CCDC116: variants seen among roughly 807,000 people sequenced by gnomAD.
CCDC116 encodes coiled-coil domain-containing protein 116.
CCDC116 carries 24 observed loss-of-function variants against 29.4 expected under a neutral mutation model. The observed-to-expected ratio is 0.82, with a 90% CI of 0.59 to 1.15. CCDC116 has a LOEUF of 1.15. CCDC116 is among the 50% of genes most tolerant of loss of function. The pLI is 0.00. For synonymous variants in CCDC116, 298 were observed against 331.4 expected (o/e 0.90, Z 1.10); for missense variants, 791 against 804.0 (o/e 0.98, Z 0.20).
chr22:21,637,115 GGAC>G lies in CCDC116; in HGVS notation c.*47_*49del, dbSNP rs777294772. 6.5e-7 allele frequency: 1 copy of G among 1,529,962 alleles called. No homozygotes were observed. The highest frequency in any genetic ancestry group is 1.2e-5 in the South Asian group (1 of 80,948). 94.8% of individuals were successfully genotyped at this position (1,529,962 alleles called of 1,614,324 possible). ...AGGAGGCCTCGGTCAGCCACTCCGT[GGAC>G]GTGGGCCACGGTGACCCACCATGAA... On this transcript the variant is annotated 3_prime_UTR_variant, in exon 5 of 5. Coordinates refer to ENST00000292779, the MANE Select transcript of CCDC116 (RefSeq NM_152612.3).
rs1325048436 is a variant in CCDC116 at position 21,633,271 on chromosome 22, G to A, written c.72+18G>A. On this transcript the variant is annotated intron_variant, in intron 2 of 4. Transcript: ENST00000292779. ...GTGCACGGGTAAGTGTGCCCAGCAG[G>A]GCGCCGACCCTTGAGGCCACAACAT... 1.3e-6 allele frequency: 2 copies of A among 1,534,368 alleles called. No individual in the cohort carries two copies. The highest frequency in any genetic ancestry group is 2.4e-5 in the South Asian group (2 of 83,594).
chr22:21,635,265 A>G lies in CCDC116; in HGVS notation c.1202A>G (p.Lys401Arg), dbSNP rs1419649868. ...CAGGTGGCCACCAGATTCAAACTCA[A>G]GGTGACACCCACGGAGAAGCCCAAT... ...SAQVATRFKL[K>R]SPCSSSRFTK... The change falls in exon 4 of 5, where the codon AAG becomes AGG. Residue 401 changes from lysine to arginine, a missense_variant and splice_region_variant. By Grantham distance (26) the Lys-to-Arg change is conservative. Coordinates refer to ENST00000292779, the MANE Select transcript of CCDC116 (RefSeq NM_152612.3). 2.5e-6 allele frequency: 4 copies of G among 1,597,882 alleles called. No individual in the cohort carries two copies. The Admixed American group carries it at 6.7e-5, about 27-fold the overall frequency.
chr22:21,634,380 C>T lies in CCDC116; in HGVS notation c.431C>T (p.Thr144Ile). ...CACCGTGTACGGCCGACCCTCTGCA[C>T]TGGACACCCCAACAACTACCCATCC... ...HRHRVRPTLC[T>I]GHPNNYPSSS... The change falls in exon 3 of 5, where the codon ACT becomes ATT. Residue 144 changes from threonine to isoleucine, a missense_variant. Coordinates refer to ENST00000292779, the MANE Select transcript of CCDC116 (RefSeq NM_152612.3). 1 of 1,613,958 alleles carries T rather than the reference C, an allele frequency of 6.2e-7. No homozygotes were observed. The highest frequency in any genetic ancestry group is 8.5e-7 in the Non-Finnish European group (1 of 1,179,962).
In CCDC116 at chr22:21,635,053, C is replaced by T. The variant is rs768637483; in HGVS notation, c.990C>T (p.Arg330=). ...ATAAGCTCCGTGGCGCCCACTGCCGCGACGGCCGTCCTCTGTTCCCCACCA... is the reference window on the plus strand; with the variant it reads ...ATAAGCTCCGTGGCGCCCACTGCCGTGACGGCCGTCCTCTGTTCCCCACCA... ...AVDKLRGAHC[R]DGRPLFPTSL... The change falls in exon 4 of 5, where the codon CGC becomes CGT. Residue 330 remains arginine, a synonymous_variant. Transcript: ENST00000292779. 37 of 1,609,420 alleles carry T rather than the reference C, an allele frequency of 2.3e-5. No individual in the cohort carries two copies. The East Asian group carries it at 4.7e-4, about 20-fold the overall frequency.
At chr22:21,633,276 C>T (rs762004761) in intron 2 of CCDC116, 23 bp downstream of exon 2, 5 of 1,529,752 alleles carry the variant, frequency 3.3e-6, no homozygotes, top group African/African-American at 1.4e-5. Flanking sequence ...AGCAGGGCGC[C>T]GACCCTTGAG....
rs776771890 is a variant in CCDC116, at chr22:21,636,444, A to G, written c.1216A>G (p.Ser406Gly). ...GGCTGCTATGCAGAGCCCCTGCAGCAGCAGCAGGTTCACGAAGAAGAAGCC... is the reference window on the plus strand; with the variant it reads ...GGCTGCTATGCAGAGCCCCTGCAGCGGCAGCAGGTTCACGAAGAAGAAGCC... ...TRFKLKSPCS[S>G]SRFTKKKPLP... Residue 406 changes from serine (S) to glycine (G), a missense_variant, in exon 5 of 5, where the codon AGC becomes GGC. Ser to Gly is a moderately conservative substitution (Grantham distance 56). Transcript: ENST00000292779. 1.9e-6 allele frequency: 3 copies of G among 1,612,844 alleles called. No individual in the cohort carries two copies.
chr22:21,633,752 T>G (rs1337718595), intron 2 of CCDC116, among the ~76,000 whole-genome samples: 1 of 152,160 alleles, frequency 6.6e-6, no homozygotes, highest in Admixed American at 6.5e-5. Flanking sequence ...AGCCAGGACT[T>G]GTGTGTGTGA....
Position 21,636,862 on chromosome 22 carries a change from C to G in CCDC116, c.1634C>G (p.Ser545Cys), listed in dbSNP as rs142040495. Reference sequence around the variant, plus strand: ...GACCAGGCCACAGAGCCCTGCCGCTCCCTCTACACCAACTTGCCAGCCAGC... The same window carrying G: ...GACCAGGCCACAGAGCCCTGCCGCTGCCTCTACACCAACTTGCCAGCCAGC... ...AQDQATEPCR[S>C]LYTNLPASRQ... Residue 545 changes from serine (S) to cysteine (C), a missense_variant, in exon 5 of 5, where the codon TCC (serine) becomes TGC (cysteine). Physicochemically the swap from Ser to Cys is moderately radical, Grantham distance 112. Coordinates refer to ENST00000292779, the MANE Select transcript of CCDC116 (RefSeq NM_152612.3). The G allele has an allele frequency of 2.6e-4, 413 of 1,613,428 alleles. No homozygotes were observed. The highest frequency in any genetic ancestry group is 3.2e-4 in the Non-Finnish European group (373 of 1,180,004).
rs773343495 is a variant in CCDC116 at position 21,634,123 on chromosome 22, G to T, written c.174G>T (p.Gln58His). The change falls in exon 3 of 5, where the codon CAG (glutamine) becomes CAT (histidine). Residue 58 changes from glutamine to histidine, a missense_variant. Physicochemically the swap from Gln to His is conservative, Grantham distance 24. Coordinates refer to ENST00000292779, the MANE Select transcript of CCDC116 (RefSeq NM_152612.3). ...CCACATGTGGCAGCTCAGCACTCCA[G>T]GGCCAACGCCGAAACAAGAGGCACC... ...PPSTCGSSAL[Q>H]GQRRNKRHPQ... The T allele has an allele frequency of 6.2e-7, 1 of 1,614,250 alleles. No homozygotes were observed. The highest frequency in any genetic ancestry group is 1.1e-5 in the South Asian group (1 of 91,092).
rs113390194 is a variant in CCDC116, at chr22:21,633,709, G to A, written c.73-313G>A. Among the ~76,000 whole-genome samples, 153 of 152,344 alleles carry A rather than the reference G, an allele frequency of 1.0e-3. 3 individuals are homozygous for A. Among genetic ancestry groups the A allele is most frequent in the African/African-American group, 3.6e-3 (148 of 41,580 alleles). On this transcript the variant is annotated intron_variant, in intron 2 of 4. Coordinates refer to ENST00000292779, the MANE Select transcript of CCDC116 (RefSeq NM_152612.3). ...GATTCATGATTGCTCATCCTGCCAC[G>A]TGTCAGGGCAGAAGCAGGCTTGCAG...
At position 21,634,305 on chromosome 22, in the gene CCDC116, G is replaced by T; in HGVS notation, c.356G>T (p.Ser119Ile). 6 of 1,613,226 alleles carry T rather than the reference G, an allele frequency of 3.7e-6. No homozygotes were observed. The African/African-American group carries it at 4.0e-5, about 11-fold the overall frequency. Residue 119 changes from serine to isoleucine, a missense_variant, in exon 3 of 5, where the codon AGT becomes ATT. Transcript: ENST00000292779. The part of the protein sequence containing the change: ...VEVQDPVEVP[S>I]GGRRAHARPS... ...GTGCAGGACCCAGTGGAGGTGCCAA[G>T]TGGTGGACGGCGGGCACATGCCCGG...
chr22:21,633,285 A>G, intron 2 of CCDC116, 32 bp downstream of exon 2: 1 of 1,507,588 alleles, frequency 6.6e-7, no homozygotes, highest in Non-Finnish European at 9.0e-7. Flanking sequence ...CCGACCCTTG[A>G]GGCCACAACA....
At chr22:21,633,334 C>CA (rs1463344376) in intron 2 of CCDC116, 81 bp downstream of exon 2, 6 of 1,129,916 alleles carry the variant, frequency 5.3e-6, no homozygotes. Flanking sequence ...CCACAACCCC[C>CA]ATTTCTCATT....
At chr22:21,632,869 C>T in intron 1 of CCDC116, 42 bp downstream of exon 1, 2 of 508,888 alleles carry the variant, frequency 3.9e-6, no homozygotes, top group Middle Eastern at 5.9e-4. Flanking sequence ...GCCAGGTTGC[C>T]CAGGGTTTGG....
intron 2 of CCDC116, among the ~76,000 whole-genome samples, chr22:21,633,609 T>G (rs1930642484): frequency 6.6e-6 from 1 of 152,110 alleles, no homozygotes; most frequent in Non-Finnish European, 1.5e-5. Context: ...CCTCAGATGT[T>G]GTTTGCAGCC....
At chr22:21,633,365 C>T (rs1930633992) in intron 2 of CCDC116, 112 bp downstream of exon 2, 1 of 817,818 alleles carries the variant, frequency 1.2e-6, no homozygotes, top group Non-Finnish European at 1.9e-6. Context: ...TTCTCTGGGC[C>T]TCTTAGTGAA....
At position 21,633,137 on chromosome 22, in the gene CCDC116, AAG is replaced by A; in HGVS notation, c.-38_-37del. ...CCACGCAGAGAGGAATGCGCAGCTG[AAG>A]AGAGAGGTGGGCAGCAGGCCCGGTC... On this transcript the variant is annotated 5_prime_UTR_variant, in exon 2 of 5. Transcript: ENST00000292779. 6.7e-7 allele frequency: 1 copy of A among 1,484,450 alleles called. No individual in the cohort carries two copies. Among genetic ancestry groups the A allele is most frequent in the South Asian group, 1.2e-5 (1 of 82,730 alleles). The allele number at this position is 1,484,450 out of a possible 1,614,324, so 92.0% of individuals were successfully genotyped here.
chr22:21,636,305 A>G, intron 4 of CCDC116, 127 bp from the exon 5 acceptor site: 1 of 785,820 alleles, frequency 1.3e-6, no homozygotes, highest in Non-Finnish European at 2.0e-6. Context: ...AAGGGTACCC[A>G]TTCATGTTTG....
Position 21,635,086 on chromosome 22 carries a change from G to T in CCDC116, c.1023G>T (p.Glu341Asp). The change falls in exon 4 of 5, where the codon GAG (glutamate) becomes GAT (aspartate). Residue 341 changes from glutamate to aspartate, a missense_variant. Physicochemically the swap from Glu to Asp is conservative, Grantham distance 45 (BLOSUM62 2). Coordinates refer to ENST00000292779, the MANE Select transcript of CCDC116 (RefSeq NM_152612.3). ...DGRPLFPTSLEPTSDLPPLGS... is the reference protein window; with the variant it reads ...DGRPLFPTSLDPTSDLPPLGS... Reference sequence around the variant, plus strand: ...GTCCTCTGTTCCCCACCAGCTTGGAGCCCACCTCAGATCTGCCGCCTCTGG... The same window carrying T: ...GTCCTCTGTTCCCCACCAGCTTGGATCCCACCTCAGATCTGCCGCCTCTGG... The T allele has an allele frequency of 6.2e-7, 1 of 1,608,464 alleles. No homozygotes were observed.
Sources: gnomAD v4.1 joint callset for allele counts (sites outside exome capture counted in the v4.1 genomes callset) on GRCh38, gnomAD v4.1.1 for gene constraint, MANE v1.5 for transcripts, NCBI Gene and HGNC (gene_info 2026-07-23, HGNC 2026-07-21) for gene names.